GRIA1: variants seen among roughly 807,000 people sequenced by gnomAD.
GRIA1 encodes the protein glutamate receptor 1.
Under a neutral mutation model 99.2 loss-of-function variants are expected in GRIA1, and 31 were observed. The ratio of observed to expected loss-of-function variants is 0.31; its 90% confidence interval spans 0.23 to 0.42. GRIA1 has a LOEUF of 0.42. Ranked by LOEUF, GRIA1 falls within the 10% of genes least tolerant of loss-of-function variation. The pLI is 1.00. For synonymous variants in GRIA1, 438 were observed against 432.4 expected, an observed-to-expected ratio of 1.01 and a Z score of -0.16; for missense variants, 782 against 1,157.5, an observed-to-expected ratio of 0.68 and a Z score of 4.71.
chr5:153,514,063 T>G (rs1241640667), intron 2 of GRIA1, among the ~76,000 whole-genome samples: 1 of 152,186 alleles, frequency 6.6e-6, no homozygotes, highest in African/African-American at 2.4e-5. Context: ...CTAGACACCC[T>G]TGATGACCCA....
intron 2 of GRIA1, among the ~76,000 whole-genome samples, chr5:153,607,092 G>A (rs979556784): frequency 5.3e-4 from 72 of 136,944 alleles, no homozygotes; most frequent in African/African-American, 1.7e-3. Flanking sequence ...TTATCCACTC[G>A]TTGATTGATG....
intron 2 of GRIA1, among the ~76,000 whole-genome samples, chr5:153,529,911 T>C (rs1757939858): frequency 6.6e-6 from 1 of 152,158 alleles, no homozygotes; most frequent in Admixed American, 6.6e-5. Context: ...ATGCTTCCCC[T>C]CTCTGAGCCT....
chr5:153,671,223 G>A (rs777886860), intron 5 of GRIA1, among the ~76,000 whole-genome samples: 5 of 152,068 alleles, frequency 3.3e-5, no homozygotes, highest in East Asian at 1.9e-4. Context: ...GAGGAAACTC[G>A]GCCATTTCCT....
At chr5:153,601,592 C>T (rs183964906) in intron 2 of GRIA1, among the ~76,000 whole-genome samples, 2 of 152,296 alleles carry the variant, frequency 1.3e-5, no homozygotes, top group African/African-American at 2.4e-5. Context: ...CCTCTCTATT[C>T]AACACCAGAT....
At chr5:153,742,139 C>T (rs776350180) in intron 11 of GRIA1, among the ~76,000 whole-genome samples, 1 of 152,070 alleles carries the variant, frequency 6.6e-6, no homozygotes, top group Non-Finnish European at 1.5e-5. Context: ...GAAGAGATTG[C>T]ACCTGGCTGA....
intron 2 of GRIA1, among the ~76,000 whole-genome samples, chr5:153,534,866 A>T (rs984673271): frequency 2.6e-5 from 4 of 152,158 alleles, no homozygotes; most frequent in African/African-American, 9.7e-5. Flanking sequence ...GAAAAAGTGT[A>T]TTCTACACGG....
chr5:153,777,689 C>A (rs1764350832), intron 13 of GRIA1, among the ~76,000 whole-genome samples: 1 of 152,108 alleles, frequency 6.6e-6, no homozygotes, highest in African/African-American at 2.4e-5. Context: ...ACCCTCATCC[C>A]CCTCACACAC....
chr5:153,663,173 C>G (rs1420034917), intron 5 of GRIA1, among the ~76,000 whole-genome samples: 1 of 152,194 alleles, frequency 6.6e-6, no homozygotes, highest in African/African-American at 2.4e-5. Flanking sequence ...CCAGAGACCT[C>G]TGAGATTTTC....
chr5:153,627,394 T>C (rs1017173763), intron 2 of GRIA1, among the ~76,000 whole-genome samples: 1 of 152,192 alleles, frequency 6.6e-6, no homozygotes, highest in Non-Finnish European at 1.5e-5. Flanking sequence ...TCAAACCCTT[T>C]ATCCTTAACC....
chr5:153,799,604 G>C (rs891053606), intron 14 of GRIA1, among the ~76,000 whole-genome samples: 2 of 152,152 alleles, frequency 1.3e-5, no homozygotes, highest in African/African-American at 4.8e-5. Context: ...GGTGGCAATT[G>C]GGCCCAGGTT....
chr5:153,714,694 C>T (rs115792261), intron 11 of GRIA1, among the ~76,000 whole-genome samples: 8,059 of 152,266 alleles, frequency 0.053, 225 homozygotes, highest in Middle Eastern at 0.11. Context: ...ATTGAATTGA[C>T]GAGGAAAGTA....
chr5:153,691,265 A>C (rs1757727830), intron 8 of GRIA1, among the ~76,000 whole-genome samples: 1 of 152,232 alleles, frequency 6.6e-6, no homozygotes, highest in Non-Finnish European at 1.5e-5. Flanking sequence ...TCTGAATAAA[A>C]TATCTTGTCA....
At chr5:153,584,209 G>T (rs1452036646) in intron 2 of GRIA1, among the ~76,000 whole-genome samples, 1 of 152,152 alleles carries the variant, frequency 6.6e-6, no homozygotes. Context: ...CTGGTACTAT[G>T]ATGAAATTCT....
Position 153,769,847 on chromosome 5 carries a change from G to C in GRIA1, c.2023-321G>C, listed in dbSNP as rs114870398. 6.0e-3 allele frequency among the ~76,000 whole-genome samples: 914 copies of C among 152,064 alleles called. 10 individuals carry two copies. The highest frequency in any genetic ancestry group is 0.021 in the African/African-American group (873 of 41,492). On this transcript the variant is annotated intron_variant, in intron 12 of 15. Transcript: ENST00000285900. Reference sequence around the variant, plus strand: ...ATAAATATGGCCTTATTGAACAATAGATAGGTCCTTTAATGTATTTAAAAG... The same window carrying C: ...ATAAATATGGCCTTATTGAACAATACATAGGTCCTTTAATGTATTTAAAAG...
At chr5:153,682,130 G>A (rs914432683) in intron 7 of GRIA1, among the ~76,000 whole-genome samples, 2 of 152,120 alleles carry the variant, frequency 1.3e-5, no homozygotes, top group Non-Finnish European at 2.9e-5. Context: ...CCATGACTCA[G>A]GTAGGAAAGT....
chr5:153,504,179 T>G (rs991138395), intron 2 of GRIA1, among the ~76,000 whole-genome samples: 1 of 151,752 alleles, frequency 6.6e-6, no homozygotes, highest in South Asian at 2.1e-4. Context: ...GAGCTTGGGG[T>G]AGTGAGAAGA....
rs747204350 is a variant in GRIA1 at position 153,811,231 on chromosome 5, G to A, written c.*6G>A. On this transcript the variant is annotated 3_prime_UTR_variant, in exon 16 of 16. Coordinates refer to ENST00000285900, the MANE Select transcript of GRIA1 (RefSeq NM_000827.4). Reference sequence around the variant, plus strand: ...TGGGAGCCACGGGATTGTAACTGGAGCAGATGGAGACCCCTTGGGGAGCAG... The same window carrying A: ...TGGGAGCCACGGGATTGTAACTGGAACAGATGGAGACCCCTTGGGGAGCAG... 8.7e-6 allele frequency: 14 copies of A among 1,611,192 alleles called. No individual in the cohort carries two copies. The highest frequency in any genetic ancestry group is 1.2e-5 in the Non-Finnish European group (14 of 1,177,370).
At chr5:153,506,316 G>GGTGTGT (rs61220170) in intron 2 of GRIA1, among the ~76,000 whole-genome samples, 9,392 of 140,296 alleles carry the variant, frequency 0.067, 339 homozygotes, top group Middle Eastern at 0.093. Flanking sequence ...TGGCAAGAAG[G>GGTGTGT]GTGTGTGTGT....
rs146864229 is a variant in GRIA1, at chr5:153,604,353, G to A, written c.221-42575G>A. On this transcript the variant is annotated intron_variant, in intron 2 of 15. Coordinates refer to ENST00000285900, the MANE Select transcript of GRIA1 (RefSeq NM_000827.4). ...CATAGTTCATGGATGAAATATGTGT[G>A]GCCCAAACAGAATTCTAATTTGTTA... is the stretch of plus-strand genomic sequence containing the variant. Among the ~76,000 whole-genome samples, 1,430 of 152,116 alleles carry A rather than the reference G, an allele frequency of 9.4e-3. 21 individuals are homozygous for A. Among genetic ancestry groups the A allele is most frequent in the African/African-American group, 0.033 (1,358 of 41,478 alleles).
Sources: gnomAD v4.1 joint callset for allele counts (sites outside exome capture counted in the v4.1 genomes callset) on GRCh38, gnomAD v4.1.1 for gene constraint, MANE v1.5 for transcripts, NCBI Gene and HGNC (gene_info 2026-07-23, HGNC 2026-07-21) for gene names.